The following NRG2 variants were observed in gnomAD, a reference collection of about 807,000 sequenced individuals.
NRG2 encodes the protein neuregulin 2, also known as pro-neuregulin-2, membrane-bound isoform.
NRG2 carries 27 observed loss-of-function variants against 73.9 expected under a neutral mutation model. That is an observed-to-expected ratio of 0.37 (90% CI 0.27 to 0.50). NRG2 has a LOEUF of 0.50. Ranked by LOEUF, NRG2 falls within the 20% of genes least tolerant of loss-of-function variation. The probability of loss-of-function intolerance (pLI) is 0.96; values close to 1 mark genes in which losing one functional copy is unlikely to be tolerated. For synonymous variants in NRG2, 532 were observed against 541.0 expected, an observed-to-expected ratio of 0.98 and a Z score of 0.23; for missense variants, 1,126 against 1,210.1, an observed-to-expected ratio of 0.93 and a Z score of 1.03.
intron 1 of NRG2, among the ~76,000 whole-genome samples, chr5:139,992,878 GTT>G (rs985842829): frequency 6.6e-6 from 1 of 151,984 alleles, no homozygotes; most frequent in Non-Finnish European, 1.5e-5. Context: ...TTTTCTCATA[GTT>G]CGCTCACCCA....
At chr5:139,848,779 G>GGGGGA in intron 9 of NRG2, 82 bp from the exon 10 acceptor site, 1 of 198,600 alleles carries the variant, frequency 5.0e-6, no homozygotes, top group Non-Finnish European at 1.0e-5. Flanking sequence ...GGTAGGGTGG[G>GGGGGA]AGGGGCGGAC....
rs1204955010 is a variant in NRG2 at position 140,043,026 on chromosome 5, T to G, written c.44A>C (p.Glu15Ala). 6.3e-7 allele frequency: 1 copy of G among 1,575,218 alleles called. No homozygotes were observed. Among genetic ancestry groups the G allele is most frequent in the Non-Finnish European group, 8.6e-7 (1 of 1,167,376 alleles). Residue 15 changes from glutamate to alanine, a missense_variant, in exon 1 of 10, where the codon GAG becomes GCG. Physicochemically the swap from Glu to Ala is moderately radical, Grantham distance 107. Around this residue, in one of 3 missense-constraint regions of NRG2, gnomAD observed 185 missense variants for 149.0 expected, o/e 1.24. Coordinates refer to ENST00000361474, the MANE Select transcript of NRG2 (RefSeq NM_004883.3). The surrounding 1 kb of genome is among the most constrained non-coding windows in gnomAD (Gnocchi z 6.7). ...GCTGTAGCTGCTGCACCGACCCTTCTCCAGTGGCGGCGGCGGCAGCGCTGA... is the reference window on the plus strand; with the variant it reads ...GCTGTAGCTGCTGCACCGACCCTTCGCCAGTGGCGGCGGCGGCAGCGCTGA... ...CCSALPPPPL[E>A]KGRCSSYSDS...
chr5:140,020,197 A>T (rs901653601), intron 1 of NRG2, among the ~76,000 whole-genome samples: 1 of 152,266 alleles, frequency 6.6e-6, no homozygotes, highest in Non-Finnish European at 1.5e-5. Flanking sequence ...TAAAAGACTG[A>T]AACAATAAGA....
intron 5 of NRG2, among the ~76,000 whole-genome samples, chr5:139,863,720 GA>G (rs1762297600): frequency 6.6e-6 from 1 of 152,224 alleles, no homozygotes; most frequent in East Asian, 1.9e-4. Context: ...CTCAGGGCTG[GA>G]TATGACTCTG....
Position 139,847,701 on chromosome 5 carries a change from TATAA to T in NRG2, c.*212_*215del, listed in dbSNP as rs1295031425. The T allele has an allele frequency of 1.3e-5, 5 of 373,892 alleles. No homozygotes were observed. The highest frequency in any genetic ancestry group is 3.9e-5 in the East Asian group (1 of 25,434). The allele number at this position is 373,892 out of a possible 1,614,324, so 23.2% of individuals were successfully genotyped here. A position where few individuals can be genotyped will look rare whatever the true frequency, so the allele number is the denominator to read the frequency against. Reference sequence around the variant, plus strand: ...CGAAGCTGTAAATCAGGATGTTACATATAAATAGTTTCCCTATAAAAACGCCTTT... The same window carrying T: ...CGAAGCTGTAAATCAGGATGTTACATATAGTTTCCCTATAAAAACGCCTTT... On this transcript the variant is annotated 3_prime_UTR_variant, in exon 10 of 10. Coordinates refer to ENST00000361474, the MANE Select transcript of NRG2 (RefSeq NM_004883.3).
intron 1 of NRG2, among the ~76,000 whole-genome samples, chr5:139,925,045 G>A (rs746225754): frequency 6.6e-6 from 1 of 152,170 alleles, no homozygotes; most frequent in Admixed American, 6.5e-5. Flanking sequence ...GGGAGGGCAT[G>A]GGGAGGAGGA....
At position 139,851,596 on chromosome 5, in the gene NRG2, G is replaced by T; in HGVS notation, c.1772+8C>A. On this transcript the variant is annotated splice_region_variant and intron_variant, in intron 9 of 9. Transcript: ENST00000361474. This position sits in a 1 kb window ranked among gnomAD's most constrained non-coding sequence, Gnocchi z 4.2. Reference sequence around the variant, plus strand: ...AAGCGGGGAATAGGTCAGGGGGTAGGAACTGACCTCTCGCTGTGTGGGGAG... The same window carrying T: ...AAGCGGGGAATAGGTCAGGGGGTAGTAACTGACCTCTCGCTGTGTGGGGAG... 1 of 1,612,856 alleles carries T rather than the reference G, an allele frequency of 6.2e-7. No homozygotes were observed. Among genetic ancestry groups the T allele is most frequent in the African/African-American group, 1.3e-5 (1 of 75,036 alleles).
At chr5:139,982,416 G>A (rs1427506846) in intron 1 of NRG2, among the ~76,000 whole-genome samples, 1 of 152,022 alleles carries the variant, frequency 6.6e-6, no homozygotes, top group Non-Finnish European at 1.5e-5. Flanking sequence ...CCGTTCTCTG[G>A]GAAACCTGTT....
chr5:139,927,764 CAA>C (rs67854211), intron 1 of NRG2, among the ~76,000 whole-genome samples: 19,099 of 82,186 alleles, frequency 0.23, 1,382 homozygotes, highest in South Asian at 0.33. Context: ...AACCTTGTCT[CAA>C]AAAAAAAAAA....
chr5:139,904,821 G>C lies in NRG2; in HGVS notation c.701-17310C>G, dbSNP rs1456183813. 6.6e-6 allele frequency among the ~76,000 whole-genome samples: 1 copy of C among 152,198 alleles called. No homozygotes were observed. Among genetic ancestry groups the C allele is most frequent in the Non-Finnish European group, 1.5e-5 (1 of 68,018 alleles). ...GGGAGACAGCGAGGAAAGGGCCCAG[G>C]AAGGGACCAAAATGAAGCCCGCTAG... On this transcript the variant is annotated intron_variant, in intron 1 of 9. Coordinates refer to ENST00000361474, the MANE Select transcript of NRG2 (RefSeq NM_004883.3). The surrounding 1 kb of genome is among the most constrained non-coding windows in gnomAD (Gnocchi z 6.0).
chr5:139,911,418 T>C (rs1400335838), intron 1 of NRG2, among the ~76,000 whole-genome samples: 1 of 152,118 alleles, frequency 6.6e-6, no homozygotes, highest in Non-Finnish European at 1.5e-5. Flanking sequence ...GAAGAAGAGA[T>C]GTTACTCTGT....
chr5:139,897,732 GT>G lies in NRG2; in HGVS notation c.701-10222del, dbSNP rs1764634702. ...GCTGGAGGGTGGGATCCATTGACAGGTAATCCCAGAGCCCCTTCCCACCCAA... is the reference window on the plus strand; with the variant it reads ...GCTGGAGGGTGGGATCCATTGACAGGAATCCCAGAGCCCCTTCCCACCCAA... On this transcript the variant is annotated intron_variant, in intron 1 of 9. Transcript: ENST00000361474. 3.3e-5 allele frequency among the ~76,000 whole-genome samples: 5 copies of G among 152,174 alleles called. No homozygotes were observed. The South Asian group carries it at 1.0e-3, about 32-fold the overall frequency.
Position 139,861,565 on chromosome 5 carries a change from A to G in NRG2, c.1189+3984T>C, listed in dbSNP as rs1271888027. ...AGCATTCATTACTCCCAGCTTTTCC[A>G]GACACAAGCCATTCTTGTACTGCTA... On this transcript the variant is annotated intron_variant, in intron 5 of 9. Coordinates refer to ENST00000361474, the MANE Select transcript of NRG2 (RefSeq NM_004883.3). 2.6e-5 allele frequency among the ~76,000 whole-genome samples: 4 copies of G among 152,232 alleles called. No individual in the cohort carries two copies. In the South Asian group the frequency reaches 6.2e-4, roughly 24 times the overall value.
chr5:139,966,031 C>T (rs1157030502), intron 1 of NRG2, among the ~76,000 whole-genome samples: 1 of 152,114 alleles, frequency 6.6e-6, no homozygotes, highest in African/African-American at 2.4e-5. Context: ...GCTATAAGCC[C>T]CATGAGTTTA....
intron 1 of NRG2, among the ~76,000 whole-genome samples, chr5:139,891,610 A>G (rs1472022527): frequency 6.6e-6 from 1 of 151,288 alleles, no homozygotes; most frequent in African/African-American, 2.4e-5. Context: ...CAAAACATCA[A>G]CAGGAAATAT....
At chr5:139,981,806 G>C (rs1174276070) in intron 1 of NRG2, among the ~76,000 whole-genome samples, 1 of 152,228 alleles carries the variant, frequency 6.6e-6, no homozygotes, top group African/African-American at 2.4e-5. Flanking sequence ...GTAGACAGAG[G>C]CTGGATCCTG....
At chr5:139,872,030 C>T (rs1167233525) in intron 3 of NRG2, among the ~76,000 whole-genome samples, 189 bp from the exon 4 acceptor site, 1 of 152,188 alleles carries the variant, frequency 6.6e-6, no homozygotes, top group East Asian at 1.9e-4. Context: ...GAGCTCTGCC[C>T]GTTTACCCAG....
intron 1 of NRG2, among the ~76,000 whole-genome samples, chr5:140,041,542 G>A (rs1031517490): frequency 2.0e-5 from 3 of 151,994 alleles, no homozygotes; most frequent in East Asian, 1.9e-4. Flanking sequence ...TCATGAAGAT[G>A]AGAGATGCAG....
At chr5:139,916,164 T>G (rs1751238699) in intron 1 of NRG2, among the ~76,000 whole-genome samples, 1 of 152,114 alleles carries the variant, frequency 6.6e-6, no homozygotes, top group African/African-American at 2.4e-5. Context: ...GTGGGGTGCT[T>G]GCTACAAATG....
Sources: gnomAD v4.1 joint callset for allele counts (sites outside exome capture counted in the v4.1 genomes callset) on GRCh38, gnomAD v4.1.1 for gene constraint, gnomAD v4.1.1 regional missense constraint, Gnocchi (gnomAD v3.1) non-coding constraint, MANE v1.5 for transcripts, NCBI Gene and HGNC (gene_info 2026-07-23, HGNC 2026-07-21) for gene names.